SPIC: variants seen among roughly 807,000 people sequenced by gnomAD.
SPIC encodes the protein transcription factor Spi-C.
In SPIC, 9 loss-of-function variants were observed where a neutral mutation model predicts 16.7. The ratio of observed to expected loss-of-function variants is 0.54; its 90% CI spans 0.33 to 0.94. The LOEUF (loss-of-function observed/expected upper bound fraction) is 0.94, where lower values mean the gene tolerates loss of function less well. Among genes scored for constraint, SPIC ranks in the 40% least tolerant of loss-of-function variants. SPIC has a pLI of 0.03. For missense variants in SPIC, 241 were observed against 285.8 expected (o/e 0.84, Z 1.13); for synonymous variants, 97 against 102.9 (o/e 0.94, Z 0.35).
intron 4 of SPIC, among the ~76,000 whole-genome samples, chr12:101,482,240 A>G (rs2093345588): frequency 1.3e-5 from 2 of 150,874 alleles, no homozygotes; most frequent in African/African-American, 2.4e-5. Context: ...CTCAAAAAAA[A>G]AAAAAAAATT....
chr12:101,482,098 C>T (rs377403804), intron 4 of SPIC, among the ~76,000 whole-genome samples: 77 of 149,644 alleles, frequency 5.1e-4, no homozygotes, highest in Non-Finnish European at 1.1e-3. Flanking sequence ...CAAAATTAGC[C>T]GGGCATGGTG....
At chr12:101,483,407 G>A (rs183001713) in intron 5 of SPIC, among the ~76,000 whole-genome samples, 15 of 152,016 alleles carry the variant, frequency 9.9e-5, no homozygotes, top group East Asian at 3.9e-4. Context: ...TGATAACAGC[G>A]CCTTCTGGAA....
intron 4 of SPIC, among the ~76,000 whole-genome samples, chr12:101,482,146 C>A (rs1184157928): frequency 6.6e-6 from 1 of 150,660 alleles, no homozygotes; most frequent in East Asian, 2.0e-4. Context: ...GCAGGAGAAT[C>A]GCTTGAAACT....
Position 101,479,282 on chromosome 12 carries a change from GAAAAAGAAAGAAAGAAAGAAAGAAA to G in SPIC, c.98-296_98-272del, listed in dbSNP as rs1873096390. On this transcript the variant is annotated intron_variant, in intron 3 of 5. Transcript: ENST00000551346. ...GGAAGGAAAGAAAGAAAGAAAGAAA[GAAAAAGAAAGAAAGAAAGAAAGAAA>G]AAAGAAAGAAAGAAAGAAAGAAAGA... Among the ~76,000 whole-genome samples the G allele has an allele frequency of 5.9e-5, 3 of 50,954 alleles. 1 individual carries two copies. Among genetic ancestry groups the G allele is most frequent in the African/African-American group, 2.0e-4 (2 of 10,112 alleles). 33.4% of individuals were successfully genotyped at this position (50,954 alleles called of 152,430 possible).
chr12:101,486,096 C>A (rs1038196225), intron 5 of SPIC, among the ~76,000 whole-genome samples: 1 of 152,328 alleles, frequency 6.6e-6, no homozygotes, highest in Non-Finnish European at 1.5e-5. Context: ...CCATCACGCC[C>A]GGCCAGGCAA....
rs751233935 is a variant in SPIC, at chr12:101,486,543, C to G, written c.519C>G (p.Leu173=). ...CTTACCAGAAAATGGCCAGGGCACT[C>G]AGAAATTACGGAAGAAGTGGGGAAA... The part of the protein sequence containing the change: ...TMTYQKMARA[L]RNYGRSGEIT... Residue 173 remains leucine, a synonymous_variant, in exon 6 of 6, where the codon CTC becomes CTG. Transcript: ENST00000551346. 1.2e-6 allele frequency: 2 copies of G among 1,614,024 alleles called. No homozygotes were observed. The highest frequency in any genetic ancestry group is 2.7e-5 in the African/African-American group (2 of 74,912).
intron 4 of SPIC, among the ~76,000 whole-genome samples, chr12:101,480,850 AAT>A (rs1873165452): frequency 6.6e-6 from 1 of 152,234 alleles, no homozygotes; most frequent in African/African-American, 2.4e-5. Flanking sequence ...AAAAATTTTA[AAT>A]AGAGGGTGCT....
At position 101,479,284 on chromosome 12, in the gene SPIC, AAAAG is replaced by A. The variant is rs1555209025; in HGVS notation, c.98-278_98-275del. ...AAGGAAAGAAAGAAAGAAAGAAAGA[AAAAG>A]AAAGAAAGAAAGAAAGAAAAAAGAA... On this transcript the variant is annotated intron_variant, in intron 3 of 5. Coordinates refer to ENST00000551346, the MANE Select transcript of SPIC (RefSeq NM_152323.3). 7.1e-4 allele frequency among the ~76,000 whole-genome samples: 44 copies of A among 61,938 alleles called. 2 individuals are homozygous for A. The highest frequency in any genetic ancestry group is 9.2e-4 in the Non-Finnish European group (29 of 31,492). The allele number at this position is 61,938 out of a possible 152,430, so 40.6% of individuals were successfully genotyped here. A position where few individuals can be genotyped will look rare whatever the true frequency, so the allele number is the denominator to read the frequency against.
intron 3 of SPIC, among the ~76,000 whole-genome samples, chr12:101,478,609 T>C (rs1466100868): frequency 6.6e-6 from 1 of 152,154 alleles, no homozygotes. Context: ...AAATATCTGG[T>C]TGACATTTAT....
In SPIC at chr12:101,486,384, C is replaced by G. The variant is rs762428057; in HGVS notation, c.360C>G (p.Ser120=). 6.2e-7 allele frequency: 1 copy of G among 1,613,596 alleles called. No individual in the cohort carries two copies. The highest frequency in any genetic ancestry group is 8.5e-7 in the Non-Finnish European group (1 of 1,179,882). Residue 120 remains serine (S), a synonymous_variant, in exon 6 of 6, where the codon TCC becomes TCG. Coordinates refer to ENST00000551346, the MANE Select transcript of SPIC (RefSeq NM_152323.3). ...GACTGTTTGAATACCTTCACGAATC[C>G]CTGTATAATCCGGAGATGGCATCTT... ...KLRLFEYLHE[S]LYNPEMASCI... is the part of the protein sequence containing the mutation.
intron 4 of SPIC, among the ~76,000 whole-genome samples, chr12:101,480,484 A>T (rs1873153550): frequency 6.6e-6 from 1 of 152,182 alleles, no homozygotes; most frequent in Non-Finnish European, 1.5e-5. Flanking sequence ...GCAAAGGGAA[A>T]CACCCTGCCA....
chr12:101,475,416 A>T lies in SPIC; in HGVS notation c.-164A>T, dbSNP rs1395280646. On this transcript the variant is annotated 5_prime_UTR_variant, in exon 1 of 6. Coordinates refer to ENST00000551346, the MANE Select transcript of SPIC (RefSeq NM_152323.3). ...ATCAGAGCCATTGCACTGGAAAATAATTTTTTATTTTCATGATAGCCTACC... is the reference window on the plus strand; with the variant it reads ...ATCAGAGCCATTGCACTGGAAAATATTTTTTTATTTTCATGATAGCCTACC... The T allele has an allele frequency of 6.6e-6, 1 of 152,072 alleles. No homozygotes were observed. The highest frequency in any genetic ancestry group is 1.5e-5 in the Non-Finnish European group (1 of 67,998). 9.4% of individuals were successfully genotyped at this position (152,072 alleles called of 1,614,324 possible).
chr12:101,478,513 C>T (rs2121243564), intron 3 of SPIC, among the ~76,000 whole-genome samples: 1 of 152,202 alleles, frequency 6.6e-6, no homozygotes, highest in Non-Finnish European at 1.5e-5. Flanking sequence ...CTAAATAAAA[C>T]TAAAGTCTCA....
rs1352692090 is a variant in SPIC, at chr12:101,486,371, A to G, written c.347A>G (p.Tyr116Cys). The G allele has an allele frequency of 1.7e-5, 28 of 1,611,960 alleles. No individual in the cohort carries two copies. The highest frequency in any genetic ancestry group is 2.2e-5 in the Non-Finnish European group (26 of 1,179,110). ...KGRKKLRLFE[Y>C]LHESLYNPEM... Reference sequence around the variant, plus strand: ...AGGAAGAAGCTCCGACTGTTTGAATACCTTCACGAATCCCTGTATAATCCG... The same window carrying G: ...AGGAAGAAGCTCCGACTGTTTGAATGCCTTCACGAATCCCTGTATAATCCG... The change falls in exon 6 of 6, where the codon TAC becomes TGC. Residue 116 changes from tyrosine to cysteine, a missense_variant. Physicochemically the swap from Tyr to Cys is radical, Grantham distance 194. Coordinates refer to ENST00000551346, the MANE Select transcript of SPIC (RefSeq NM_152323.3).
chr12:101,479,303 AGAAAAAAGAAAGAAAGAAAG>A, intron 3 of SPIC, among the ~76,000 whole-genome samples: 1 of 34,988 alleles, frequency 2.9e-5, no homozygotes, highest in South Asian at 8.4e-4. Context: ...AAAGAAAGAA[AGAAAAAAGAAAGAAAGAAAG>A]AAAGAAAGAA....
intron 2 of SPIC, 67 bp downstream of exon 2, chr12:101,476,974 A>C (rs928218176): frequency 2.8e-6 from 3 of 1,085,746 alleles, no homozygotes; most frequent in Admixed American, 3.1e-5. Context: ...AATAATTAAA[A>C]AACTTTTTTC....
In SPIC at chr12:101,486,911, T is replaced by A. The variant is rs1231699187; in HGVS notation, c.*140T>A. Reference sequence around the variant, plus strand: ...AGCAAATACTAAAGAGGAAAAAAAATTAACTTTATTGTTGCTTTTATCAAA... The same window carrying A: ...AGCAAATACTAAAGAGGAAAAAAAAATAACTTTATTGTTGCTTTTATCAAA... On this transcript the variant is annotated 3_prime_UTR_variant, in exon 6 of 6. Coordinates refer to ENST00000551346, the MANE Select transcript of SPIC (RefSeq NM_152323.3). 4 of 674,658 alleles carry A rather than the reference T, an allele frequency of 5.9e-6. No individual in the cohort carries two copies. Among genetic ancestry groups the A allele is most frequent in the Non-Finnish European group, 9.2e-6 (4 of 434,800 alleles). 41.8% of individuals were successfully genotyped at this position (674,658 alleles called of 1,614,324 possible). A position where few individuals can be genotyped will look rare whatever the true frequency, so the allele number is the denominator to read the frequency against.
At chr12:101,479,172 A>AAAAGAAAGAAAGAAAGAAAGAAAGAAAG (rs199501054) in intron 3 of SPIC, among the ~76,000 whole-genome samples, 15 of 82,962 alleles carry the variant, frequency 1.8e-4, no homozygotes, top group East Asian at 1.3e-3. Context: ...GAAAGAAAGA[A>AAAAGAAAGAAAGAAAGAAAGAAAGAAAG]AAAGAAAGAA....
chr12:101,479,815 T>TTTA, intron 4 of SPIC, 121 bp downstream of exon 4: 5 of 579,710 alleles, frequency 8.6e-6, no homozygotes, highest in Non-Finnish European at 1.3e-5. Context: ...TGGTTTTTTC[T>TTTA]TTCTTTTTTT....
Sources: gnomAD v4.1 joint callset for allele counts (sites outside exome capture counted in the v4.1 genomes callset) on GRCh38, gnomAD v4.1.1 for gene constraint, MANE v1.5 for transcripts, NCBI Gene and HGNC (gene_info 2026-07-23, HGNC 2026-07-21) for gene names.